Variants in ZNF821 observed in about 807,000 individuals in gnomAD.
ZNF821 encodes zinc finger protein 821.
In ZNF821, 16 loss-of-function variants were observed where a neutral mutation model predicts 44.3. The observed-to-expected ratio is 0.36, with a 90% CI of 0.24 to 0.55. The LOEUF (loss-of-function observed/expected upper bound fraction) is 0.55. Ranked by LOEUF, ZNF821 falls within the 20% of genes least tolerant of loss-of-function variation. The pLI, the probability that ZNF821 is intolerant of heterozygous loss-of-function variation, is 0.86. For synonymous variants in ZNF821, 204 were observed against 197.6 expected (o/e 1.03, Z -0.27); for missense variants, 436 against 547.6 (o/e 0.80, Z 2.03).
intron 4 of ZNF821, among the ~76,000 whole-genome samples, chr16:71,866,060 G>C (rs1391489158): frequency 6.6e-6 from 1 of 152,166 alleles, no homozygotes; most frequent in East Asian, 1.9e-4. Context: ...ACAAGAAGTA[G>C]CCAAGCCTAG....
chr16:71,893,464 CTT>C (rs763296785), intron 1 of ZNF821, among the ~76,000 whole-genome samples: 10 of 141,220 alleles, frequency 7.1e-5, no homozygotes, highest in Admixed American at 1.4e-4. Context: ...GCCTGGCCCA[CTT>C]TTTTTTTTTT....
In ZNF821 at chr16:71,860,737, C is replaced by T; in HGVS notation, c.585-65G>A. The T allele has an allele frequency of 6.6e-7, 1 of 1,525,696 alleles. No individual in the cohort carries two copies. Among genetic ancestry groups the T allele is most frequent in the Non-Finnish European group, 8.8e-7 (1 of 1,137,138 alleles). 94.5% of individuals were successfully genotyped at this position (1,525,696 alleles called of 1,614,324 possible). A position where few individuals can be genotyped will look rare whatever the true frequency, so the allele number is the denominator to read the frequency against. On this transcript the variant is annotated intron_variant, in intron 7 of 7. Transcript: ENST00000425432. The surrounding 1 kb of genome is among the most constrained non-coding windows in gnomAD (Gnocchi z 7.3). ...AGCAAGAGTCGGGACTCCAGCCCTG[C>T]CTTATTCTTTTCCTATGAGGCCAGT...
chr16:71,885,693 G>T (rs2036824631), upstream of ZNF821, among the ~76,000 whole-genome samples: 3 of 152,196 alleles, frequency 2.0e-5, no homozygotes, highest in Non-Finnish European at 2.9e-5. Flanking sequence ...TGATTACATT[G>T]AGGGATCTTG....
exon 1 of ZNF821, chr16:71,895,190 T>A (rs1222015679): frequency 4.8e-6 from 1 of 206,554 alleles, no homozygotes; most frequent in Non-Finnish European, 1.0e-5. Context: ...TATGGAAGAA[T>A]CCGGAACCAA....
At position 71,864,919 on chromosome 16, in the gene ZNF821, T is replaced by A. The variant is rs1176098521; in HGVS notation, c.296A>T (p.Glu99Val). 6.2e-7 allele frequency: 1 copy of A among 1,614,184 alleles called. No homozygotes were observed. The highest frequency in any genetic ancestry group is 1.7e-5 in the Admixed American group (1 of 60,024). The change falls in exon 5 of 8, where the codon GAA (glutamate) becomes GTA (valine). Residue 99 changes from glutamate (E) to valine (V), a missense_variant. Around this residue, in one of 5 missense-constraint regions of ZNF821, gnomAD observed 238 missense variants for 281.4 expected, o/e 0.85. Coordinates refer to ENST00000425432, the MANE Select transcript of ZNF821 (RefSeq NM_001201552.2). ...ENTEQPVGGNEVVEHEVTGNL... is the reference protein window; with the variant it reads ...ENTEQPVGGNVVVEHEVTGNL... ...GTCACTTGCCTCGTGCTCTACCACT[T>A]CGTTCCCACCAACAGGCTGTTCTGT... is the stretch of plus-strand genomic sequence containing the variant.
At position 71,879,745 on chromosome 16, in the gene ZNF821, TTTTC is replaced by T. The variant is rs137940498; in HGVS notation, c.40+158_40+161del. ...CACCATTTCCAACATTTTTAACCCTTTTTCTTTCTTTCTTTTTTTCTCTTCTGCT... is the reference window on the plus strand; with the variant it reads ...CACCATTTCCAACATTTTTAACCCTTTTTCTTTCTTTTTTTCTCTTCTGCT... On this transcript the variant is annotated intron_variant, in intron 3 of 7. Coordinates refer to ENST00000425432, the MANE Select transcript of ZNF821 (RefSeq NM_001201552.2). 4,828 of 743,166 alleles carry T rather than the reference TTTTC, an allele frequency of 6.5e-3. 240 individuals carry two copies. In the East Asian group the frequency reaches 0.11, roughly 16 times the overall value. The allele number at this position is 743,166 out of a possible 1,614,324, so 46.0% of individuals were successfully genotyped here. A position where few individuals can be genotyped will look rare whatever the true frequency, so the allele number is the denominator to read the frequency against.
rs888071134 is a variant in ZNF821, at chr16:71,880,286, G to A, written c.-77-263C>T. On this transcript the variant is annotated intron_variant, in intron 2 of 7. Transcript: ENST00000425432. ...TTTGGAATCCAGAATACTGTTAAGT[G>A]ATCATGATCAAGGTCACAGGATAAA... 9 of 201,968 alleles carry A rather than the reference G, an allele frequency of 4.5e-5. No individual in the cohort carries two copies. In the Admixed American group the frequency reaches 4.8e-4, roughly 11 times the overall value. 12.5% of individuals were successfully genotyped at this position (201,968 alleles called of 1,614,324 possible). A position where few individuals can be genotyped will look rare whatever the true frequency, so the allele number is the denominator to read the frequency against.
chr16:71,861,020 T>C (rs2033814344), intron 7 of ZNF821, among the ~76,000 whole-genome samples: 1 of 152,012 alleles, frequency 6.6e-6, no homozygotes. Flanking sequence ...CACGCCCGGC[T>C]AATTTTTGTA....
chr16:71,888,031 C>A (rs1450600810), upstream of ZNF821, among the ~76,000 whole-genome samples: 1 of 151,810 alleles, frequency 6.6e-6, no homozygotes, highest in Non-Finnish European at 1.5e-5. Flanking sequence ...CACACGCCAC[C>A]ACACCTGAAT....
chr16:71,893,273 C>T (rs1299117932), intron 1 of ZNF821, among the ~76,000 whole-genome samples: 8 of 151,788 alleles, frequency 5.3e-5, no homozygotes, highest in African/African-American at 1.9e-4. Flanking sequence ...GTGATCCTCC[C>T]GCCTCGGCCT....
chr16:71,876,456 C>T (rs1278038767), intron 3 of ZNF821, among the ~76,000 whole-genome samples: 2 of 151,876 alleles, frequency 1.3e-5, no homozygotes, highest in Non-Finnish European at 2.9e-5. Context: ...CCTCCTGCCT[C>T]GGCCTCCCAA....
rs913632627 is a variant in ZNF821 at position 71,877,949 on chromosome 16, A to G, written c.40+1958T>C. On this transcript the variant is annotated intron_variant, in intron 3 of 7. Coordinates refer to ENST00000425432, the MANE Select transcript of ZNF821 (RefSeq NM_001201552.2). ...AAAAATTATATATATTATATAAAAA[A>G]ATAAAATATATATAAATATATATGT... Among the ~76,000 whole-genome samples, 3 of 147,400 alleles carry G rather than the reference A, an allele frequency of 2.0e-5. No homozygotes were observed. The East Asian group carries it at 5.9e-4, about 29-fold the overall frequency.
At chr16:71,888,839 T>G (rs1335272051), upstream of ZNF821, among the ~76,000 whole-genome samples, 1 of 152,226 alleles carries the variant, frequency 6.6e-6, no homozygotes, top group Non-Finnish European at 1.5e-5. Context: ...ATCTTATATA[T>G]GAACCCAAAT....
rs2033664991 is a variant in ZNF821, at chr16:71,860,142, G to T, written c.1115C>A (p.Ser372Tyr). Residue 372 changes from serine (S) to tyrosine (Y), a missense_variant, in exon 8 of 8, where the codon TCT becomes TAT. By Grantham distance (144) the Ser-to-Tyr change is moderately radical. Transcript: ENST00000425432. This position sits in a 1 kb window ranked among gnomAD's most constrained non-coding sequence, Gnocchi z 7.3. Reference protein sequence around the residue: ...MLRAQFGQDPSAMAALAAEMN... With the variant: ...MLRAQFGQDPYAMAALAAEMN... ...TTCAGCTGCTAAGGCTGCCATGGCAGAAGGGTCCTGGCCAAACTGAGCTCG... is the reference window on the plus strand; with the variant it reads ...TTCAGCTGCTAAGGCTGCCATGGCATAAGGGTCCTGGCCAAACTGAGCTCG... 1 of 1,614,152 alleles carries T rather than the reference G, an allele frequency of 6.2e-7. No individual in the cohort carries two copies. The highest frequency in any genetic ancestry group is 1.3e-5 in the African/African-American group (1 of 74,954).
At chr16:71,868,307 C>A (rs2034777918) in intron 3 of ZNF821, among the ~76,000 whole-genome samples, 1 of 152,220 alleles carries the variant, frequency 6.6e-6, no homozygotes, top group African/African-American at 2.4e-5. Flanking sequence ...ACTGCTACTT[C>A]ACAAATGTAA....
intron 3 of ZNF821, 107 bp downstream of exon 3, chr16:71,879,800 C>T: frequency 9.0e-7 from 1 of 1,105,296 alleles, no homozygotes; most frequent in South Asian, 1.6e-5. Flanking sequence ...TACATTTAAA[C>T]TTTTCTTCTT....
intron 3 of ZNF821, among the ~76,000 whole-genome samples, chr16:71,869,785 G>A (rs2034982094): frequency 6.6e-6 from 1 of 152,054 alleles, no homozygotes; most frequent in African/African-American, 2.4e-5. Flanking sequence ...CTACAGGTGT[G>A]CACCATCATG....
chr16:71,865,043 T>C lies in ZNF821; in HGVS notation c.172A>G (p.Ser58Gly). Reference sequence around the variant, plus strand: ...GTCGTCTCCTCTTCATCACCCTCACTGTCACCTGGAACACACAAACTGGTC... The same window carrying C: ...GTCGTCTCCTCTTCATCACCCTCACCGTCACCTGGAACACACAAACTGGTC... The part of the protein sequence containing the change: ...LRDQDSSSSD[S>G]EGDEEETTQD... The change falls in exon 5 of 8, where the codon AGT (serine) becomes GGT (glycine). Residue 58 changes from serine to glycine, a missense_variant. Transcript: ENST00000425432. 6.2e-7 allele frequency: 1 copy of C among 1,614,252 alleles called. No individual in the cohort carries two copies. The highest frequency in any genetic ancestry group is 8.5e-7 in the Non-Finnish European group (1 of 1,180,044).
intron 1 of ZNF821, among the ~76,000 whole-genome samples, chr16:71,893,428 C>T (rs1287624317): frequency 6.6e-6 from 1 of 151,558 alleles, no homozygotes; most frequent in Admixed American, 6.6e-5. Flanking sequence ...TCCCAAAGTG[C>T]TAGGATTACA....
Sources: allele counts gnomAD v4.1 joint callset (sites outside exome capture counted in the v4.1 genomes callset), GRCh38; gene constraint gnomAD v4.1.1; regional missense constraint gnomAD v4.1.1; non-coding constraint Gnocchi (gnomAD v3.1); transcripts MANE v1.5; gene names NCBI Gene and HGNC (gene_info 2026-07-23, HGNC 2026-07-21).